The following PHLPP2 variants were observed in gnomAD, a reference collection of about 807,000 sequenced individuals.
The protein encoded by PHLPP2 is PH domain and leucine rich repeat protein phosphatase 2, also known as PH domain leucine-rich repeat-containing protein phosphatase 2.
PHLPP2 carries 66 observed loss-of-function variants against 124.9 expected under a neutral mutation model. That is an observed-to-expected ratio of 0.53 (90% CI 0.43 to 0.65). PHLPP2 has a LOEUF of 0.65. Ranked by LOEUF, PHLPP2 falls within the 30% of genes least tolerant of loss-of-function variation. The probability of loss-of-function intolerance (pLI) is 0.00; values close to 1 mark genes in which losing one functional copy is unlikely to be tolerated. For synonymous variants in PHLPP2, 681 were observed against 624.7 expected (o/e 1.09, Z -1.34); for missense variants, 1,685 against 1,600.4 (o/e 1.05, Z -0.90).
chr16:71,702,697 C>T lies in PHLPP2; in HGVS notation c.319G>A (p.Val107Ile), dbSNP rs749150133. Residue 107 changes from valine (V) to isoleucine (I), a missense_variant, in exon 3 of 19, where the codon GTT becomes ATT. Val to Ile is a conservative substitution (Grantham distance 29). Coordinates refer to ENST00000568954, the MANE Select transcript of PHLPP2 (RefSeq NM_015020.3). Reference protein sequence around the residue: ...LEPTERPLQIVYDYLSRLGFD... With the variant: ...LEPTERPLQIIYDYLSRLGFD... ...CCCAGCCTGGATAAGTAATCATAAA[C>T]GATCTGAAGAGGTCGTTCAGTAGGT... The T allele has an allele frequency of 1.9e-5, 31 of 1,610,028 alleles. 1 individual carries two copies. In the South Asian group the frequency reaches 2.2e-4, roughly 11 times the overall value.
chr16:71,685,196 G>A (rs1275700577), intron 4 of PHLPP2, among the ~76,000 whole-genome samples: 2 of 152,084 alleles, frequency 1.3e-5, no homozygotes, highest in African/African-American at 4.8e-5. Flanking sequence ...GTGTGGTCAC[G>A]GGCTCCTGTA....
rs1425818996 is a variant in PHLPP2, at chr16:71,649,473, T to A, written c.3389A>T (p.Gln1130Leu). The change falls in exon 19 of 19, where the codon CAG (glutamine) becomes CTG (leucine). Residue 1130 changes from glutamine (Q) to leucine (L), a missense_variant. Physicochemically the swap from Gln to Leu is moderately radical, Grantham distance 113. Transcript: ENST00000568954. Reference protein sequence around the residue: ...LHPTPTSGLFQRQPSSATFSS... With the variant: ...LHPTPTSGLFLRQPSSATFSS... Reference sequence around the variant, plus strand: ...GAAGGTAGCAGAAGAAGGCTGGCGCTGAAACAGCCCAGAGGTGGGTGTTGG... The same window carrying A: ...GAAGGTAGCAGAAGAAGGCTGGCGCAGAAACAGCCCAGAGGTGGGTGTTGG... The A allele has an allele frequency of 1.2e-6, 2 of 1,614,114 alleles. No individual in the cohort carries two copies. The highest frequency in any genetic ancestry group is 8.5e-7 in the Non-Finnish European group (1 of 1,180,018).
At position 71,702,507 on chromosome 16, in the gene PHLPP2, T is replaced by TAA. The variant is rs112545013; in HGVS notation, c.418+89_418+90dup. ...TAATTGGCTTAAAACTAGCTTTTGA[T>TAA]AAAATACCTTTAAAAAGCTGACGGC... On this transcript the variant is annotated intron_variant, in intron 3 of 18. Coordinates refer to ENST00000568954, the MANE Select transcript of PHLPP2 (RefSeq NM_015020.3). The TAA allele has an allele frequency of 2.5e-4, 276 of 1,101,414 alleles. No homozygotes were observed. The African/African-American group carries it at 3.7e-3, about 15-fold the overall frequency. The allele number at this position is 1,101,414 out of a possible 1,614,324, so 68.2% of individuals were successfully genotyped here.
rs1412310074 is a variant in PHLPP2 at position 71,678,804 on chromosome 16, T to A, written c.1219A>T (p.Asn407Tyr). The change falls in exon 8 of 19, where the codon AAC (asparagine) becomes TAC (tyrosine). Residue 407 changes from asparagine (N) to tyrosine (Y), a missense_variant. Physicochemically the swap from Asn to Tyr is moderately radical, Grantham distance 143. Transcript: ENST00000568954. ...TTCATCCTATTCAGCACCCCTAAGT[T>A]CAGGACTTCCAGGCAATTTCCTGCC... Reference protein sequence around the residue: ...VMAGNCLEVLNLGVLNRMNHI... With the variant: ...VMAGNCLEVLYLGVLNRMNHI... The A allele has an allele frequency of 5.0e-6, 8 of 1,612,260 alleles. No homozygotes were observed. Among genetic ancestry groups the A allele is most frequent in the Non-Finnish European group, 6.8e-6 (8 of 1,178,432 alleles).
Position 71,656,619 on chromosome 16 carries a change from G to A in PHLPP2, c.2342C>T (p.Ser781Leu). The A allele has an allele frequency of 6.2e-7, 1 of 1,613,730 alleles. No homozygotes were observed. The highest frequency in any genetic ancestry group is 8.5e-7 in the Non-Finnish European group (1 of 1,179,688). ...PLPTTDSTVT[S>L]TFWSHGLAEM... ...AGCCAGTCCATGGCTCCAGAAGGTT[G>A]ACGTAACTGTAGAATCTGTGGTTGG... The change falls in exon 16 of 19, where the codon TCA (serine) becomes TTA (leucine). Residue 781 changes from serine (S) to leucine (L), a missense_variant. By Grantham distance (145) the Ser-to-Leu change is moderately radical. Transcript: ENST00000568954.
At chr16:71,664,128 C>T (rs764334815) in intron 12 of PHLPP2, 29 bp from the exon 13 acceptor site, 1 of 1,490,288 alleles carries the variant, frequency 6.7e-7, no homozygotes, top group Non-Finnish European at 9.4e-7. Context: ...ATCATCACCT[C>T]CTTTAAGTTT....
At chr16:71,654,741 T>C (rs1567612156) in intron 17 of PHLPP2, among the ~76,000 whole-genome samples, 1 of 152,250 alleles carries the variant, frequency 6.6e-6, no homozygotes, top group Non-Finnish European at 1.5e-5. Flanking sequence ...TACATCCTTA[T>C]CAGGGTGTAA....
At chr16:71,653,139 A>T (rs2044710117) in intron 17 of PHLPP2, 118 bp from the exon 18 acceptor site, 3 of 643,992 alleles carry the variant, frequency 4.7e-6, no homozygotes, top group Admixed American at 2.9e-5. Flanking sequence ...ATCGTGAACC[A>T]GCCTTACCCT....
rs1203051554 is a variant in PHLPP2 at position 71,669,322 on chromosome 16, T to C, written c.1581A>G (p.Ile527Met). The C allele has an allele frequency of 1.2e-6, 2 of 1,612,740 alleles. No individual in the cohort carries two copies. The highest frequency in any genetic ancestry group is 1.3e-5 in the African/African-American group (1 of 74,936). The change falls in exon 11 of 19, where the codon ATA becomes ATG. Residue 527 changes from isoleucine to methionine, a missense_variant. Coordinates refer to ENST00000568954, the MANE Select transcript of PHLPP2 (RefSeq NM_015020.3). ...VPDWACEAKK[I>M]EVLDVSYNLL... ...GATTATAGCTCACATCTAATACTTC[T>C]ATCTTCTTTGCTTCACAGGCCCAGT... is the stretch of plus-strand genomic sequence containing the variant.
chr16:71,720,523 A>G (rs1235378268), intron 1 of PHLPP2, among the ~76,000 whole-genome samples: 1 of 152,230 alleles, frequency 6.6e-6, no homozygotes, highest in Non-Finnish European at 1.5e-5. Context: ...TACATGGTAT[A>G]AACAGGGTCT....
At chr16:71,705,147 C>T (rs1443210542) in intron 2 of PHLPP2, among the ~76,000 whole-genome samples, 1 of 152,180 alleles carries the variant, frequency 6.6e-6, no homozygotes, top group South Asian at 2.1e-4. Context: ...CTGTCACAGA[C>T]ATTTTAGAAG....
chr16:71,655,215 G>C (rs755182793), intron 17 of PHLPP2, 25 bp downstream of exon 17: 3 of 1,526,594 alleles, frequency 2.0e-6, no homozygotes, highest in East Asian at 4.5e-5. Flanking sequence ...AACTGAGTTA[G>C]GGATTTTTCA....
chr16:71,701,124 T>C (rs973310290), intron 3 of PHLPP2, among the ~76,000 whole-genome samples: 1 of 152,120 alleles, frequency 6.6e-6, no homozygotes, highest in African/African-American at 2.4e-5. Context: ...TAAAATCTCA[T>C]GAAACCCAAG....
rs770864666 is a variant in PHLPP2, at chr16:71,649,860, C to G, written c.3002G>C (p.Arg1001Pro). Residue 1001 changes from arginine (R) to proline (P), a missense_variant, in exon 19 of 19, where the codon CGT becomes CCT. By Grantham distance (103) the Arg-to-Pro change is moderately radical (BLOSUM62 -2). Transcript: ENST00000568954. ...LSYTEAVNAV[R>P]HVQDPLAAAK... ...AGCTGCTAATGGGTCTTGTACGTGA[C>G]GTACAGCATTGACAGCTTCTGTGTA... 16 of 1,614,106 alleles carry G rather than the reference C, an allele frequency of 9.9e-6. No individual in the cohort carries two copies. The highest frequency in any genetic ancestry group is 1.3e-5 in the Non-Finnish European group (15 of 1,180,048).
chr16:71,674,570 T>C (rs980521805), intron 9 of PHLPP2, among the ~76,000 whole-genome samples: 3 of 149,200 alleles, frequency 2.0e-5, no homozygotes, highest in African/African-American at 7.3e-5. Flanking sequence ...ATTATGCACT[T>C]TTCCTTGCTC....
rs181836149 is a variant in PHLPP2 at position 71,701,092 on chromosome 16, C to T, written c.418+1506G>A. 3.8e-3 allele frequency among the ~76,000 whole-genome samples: 573 copies of T among 152,234 alleles called. 4 individuals carry two copies. Among genetic ancestry groups the T allele is most frequent in the Admixed American group, 4.5e-3 (69 of 15,298 alleles). Reference sequence around the variant, plus strand: ...CCGTGTTGAAAGTGAATCTTCCAGGCCTACTCAGGCCTTCAGATGACTAAA... The same window carrying T: ...CCGTGTTGAAAGTGAATCTTCCAGGTCTACTCAGGCCTTCAGATGACTAAA... On this transcript the variant is annotated intron_variant, in intron 3 of 18. Transcript: ENST00000568954.
chr16:71,671,909 G>A (rs890013764), intron 10 of PHLPP2, among the ~76,000 whole-genome samples: 3 of 137,718 alleles, frequency 2.2e-5, no homozygotes, highest in African/African-American at 5.6e-5. Flanking sequence ...GCAAGACTCC[G>A]TCTCAAACAA....
At chr16:71,687,037 T>A (rs540622571) in intron 4 of PHLPP2, among the ~76,000 whole-genome samples, 3 of 152,394 alleles carry the variant, frequency 2.0e-5, no homozygotes, top group African/African-American at 7.2e-5. Context: ...ACTTCATTCC[T>A]ACCATGATGT....
Position 71,669,466 on chromosome 16 carries a change from CT to C in PHLPP2, c.1533-97del. ...GTATCCATTAACCAGCCTGTGAGCC[CT>C]TGAGGGCAGGAACACTGTCTCCAAG... On this transcript the variant is annotated intron_variant, in intron 10 of 18. Transcript: ENST00000568954. 7 of 858,960 alleles carry C rather than the reference CT, an allele frequency of 8.1e-6. No homozygotes were observed. The South Asian group carries it at 1.0e-4, about 13-fold the overall frequency. 53.2% of individuals were successfully genotyped at this position (858,960 alleles called of 1,614,324 possible).
Sources: gnomAD v4.1 joint callset for allele counts (sites outside exome capture counted in the v4.1 genomes callset) on GRCh38, gnomAD v4.1.1 for gene constraint, MANE v1.5 for transcripts, NCBI Gene and HGNC (gene_info 2026-07-23, HGNC 2026-07-21) for gene names.